The following APBB2 variants were observed in gnomAD, a reference collection of about 807,000 sequenced individuals.
APBB2 encodes the protein amyloid beta precursor protein binding family B member 2, also known as Fe65-like 1.
In APBB2, 38 loss-of-function variants were observed where a neutral mutation model predicts 82.5. That is an observed-to-expected ratio of 0.46 (90% CI 0.36 to 0.60). APBB2 has a LOEUF of 0.60. APBB2 is among the 20% of genes least tolerant of loss of function. The pLI is 0.00. For synonymous variants in APBB2, 341 were observed against 368.2 expected (o/e 0.93, Z 0.85); for missense variants, 772 against 972.3 (o/e 0.79, Z 2.74).
chr4:41,014,130 G>A lies in APBB2; in HGVS notation c.288C>T (p.Asn96=), dbSNP rs1355229616. 4 of 1,614,098 alleles carry A rather than the reference G, an allele frequency of 2.5e-6. No homozygotes were observed. The East Asian group carries it at 8.9e-5, about 36-fold the overall frequency. ...TCTCCCCATTTTTCACCAGCTTGAT[G>A]TTGGCAGAGCCATTTCCCAGCAGGG... ...AQPLLGNGSA[N]IKLVKNGENQ... Residue 96 remains asparagine, a synonymous_variant, in exon 6 of 18, where the codon AAC becomes AAT. Coordinates refer to ENST00000508593, the MANE Select transcript of APBB2 (RefSeq NM_004307.2).
intron 2 of APBB2, among the ~76,000 whole-genome samples, chr4:41,141,344 GTGTC>G (rs1383671188): frequency 6.1e-5 from 6 of 99,064 alleles, no homozygotes; most frequent in African/African-American, 2.2e-4. Context: ...GTGTGTGTGT[GTGTC>G]TGTGTGTCTG....
At chr4:40,835,834 G>T (rs533135395) in intron 12 of APBB2, among the ~76,000 whole-genome samples, 1 of 152,352 alleles carries the variant, frequency 6.6e-6, no homozygotes, top group South Asian at 2.1e-4. Context: ...GAACAGGGCA[G>T]AGGAGACAGA....
intron 6 of APBB2, among the ~76,000 whole-genome samples, chr4:40,998,432 C>T (rs921775282): frequency 8.6e-5 from 13 of 152,022 alleles, no homozygotes; most frequent in African/African-American, 2.7e-4. Context: ...TTTCAGATTC[C>T]ACATTAAAAC....
At chr4:40,992,950 G>T (rs903376033) in intron 6 of APBB2, among the ~76,000 whole-genome samples, 1 of 152,180 alleles carries the variant, frequency 6.6e-6, no homozygotes, top group African/African-American at 2.4e-5. Context: ...GTTATTTTCT[G>T]TTTGTGTACA....
chr4:41,067,680 C>A (rs997076514), intron 3 of APBB2, among the ~76,000 whole-genome samples: 4 of 152,010 alleles, frequency 2.6e-5, no homozygotes, highest in Admixed American at 1.3e-4. Context: ...GAAGAAGACC[C>A]AGGAAGAATG....
Position 40,835,389 on chromosome 4 carries a change from G to A in APBB2, c.1530-4812C>T, listed in dbSNP as rs58143559. Among the ~76,000 whole-genome samples the A allele has an allele frequency of 6.7e-3, 1,022 of 152,174 alleles. 14 individuals are homozygous for A. Among genetic ancestry groups the A allele is most frequent in the African/African-American group, 0.021 (855 of 41,498 alleles). ...GATAAGGTTCCAGCCTTGCAAGCCC[G>A]TCTAATGTTACAGACGGGCAATGAG... On this transcript the variant is annotated intron_variant, in intron 12 of 17. Coordinates refer to ENST00000508593, the MANE Select transcript of APBB2 (RefSeq NM_004307.2).
intron 6 of APBB2, among the ~76,000 whole-genome samples, chr4:40,976,599 C>T (rs1006806698): frequency 6.6e-6 from 1 of 152,182 alleles, no homozygotes; most frequent in Non-Finnish European, 1.5e-5. Context: ...AAACACTTAA[C>T]AGCTGTGATC....
intron 12 of APBB2, among the ~76,000 whole-genome samples, chr4:40,867,548 AAATT>A (rs1764340222): frequency 1.3e-5 from 2 of 152,256 alleles, no homozygotes; most frequent in Non-Finnish European, 2.9e-5. Context: ...TGTCACAAAT[AAATT>A]GATACATCAC....
intron 6 of APBB2, among the ~76,000 whole-genome samples, chr4:40,956,387 A>G (rs1791660697): frequency 6.6e-6 from 1 of 152,222 alleles, no homozygotes; most frequent in South Asian, 2.1e-4. Flanking sequence ...ATGGTAAGAA[A>G]GGGACAGGCC....
intron 10 of APBB2, among the ~76,000 whole-genome samples, chr4:40,902,577 A>G (rs1775626358): frequency 6.6e-6 from 1 of 152,314 alleles, no homozygotes; most frequent in African/African-American, 2.4e-5. Context: ...TCTGTCACCC[A>G]GGTTGGAGTA....
chr4:40,850,430 A>C (rs1758975973), intron 12 of APBB2, among the ~76,000 whole-genome samples: 1 of 152,230 alleles, frequency 6.6e-6, no homozygotes, highest in Non-Finnish European at 1.5e-5. Context: ...TTTGGGGGCT[A>C]ATTTTCAACA....
chr4:40,945,155 C>T (rs549005554), intron 6 of APBB2, 82 bp from the exon 7 acceptor site: 1 of 1,009,762 alleles, frequency 9.9e-7, no homozygotes, highest in Non-Finnish European at 1.5e-6. Context: ...AGGTGAACCC[C>T]AAAGGCAGAC....
chr4:40,985,244 T>C (rs1800118709), intron 6 of APBB2, among the ~76,000 whole-genome samples: 1 of 151,580 alleles, frequency 6.6e-6, no homozygotes, highest in African/African-American at 2.4e-5. Flanking sequence ...CGTTTATCTA[T>C]GTTTCCTAAC....
At chr4:40,939,867 T>TA (rs5857761) in intron 7 of APBB2, among the ~76,000 whole-genome samples, 36,507 of 151,426 alleles carry the variant, frequency 0.24, 4,524 homozygotes, top group Admixed American at 0.29. Context: ...TCAGAGAAGT[T>TA]AAAAAAAAAT....
rs541729671 is a variant in APBB2, at chr4:41,040,352, C to T, written c.-50-7048G>A. Among the ~76,000 whole-genome samples the T allele has an allele frequency of 2.0e-5, 3 of 152,228 alleles. No individual in the cohort carries two copies. In the South Asian group the frequency reaches 6.2e-4, roughly 32 times the overall value. On this transcript the variant is annotated intron_variant, in intron 4 of 17. Transcript: ENST00000508593. ...AAGCCTTATTTCCAGATCTATAAAG[C>T]GAAGTACTTCTATCAGATGACTCGG...
chr4:41,098,990 C>T (rs894857438), intron 3 of APBB2, among the ~76,000 whole-genome samples: 2 of 152,088 alleles, frequency 1.3e-5, no homozygotes, highest in African/African-American at 4.8e-5. Flanking sequence ...CATGTGATTA[C>T]AAGACAATAA....
intron 2 of APBB2, among the ~76,000 whole-genome samples, chr4:41,140,566 A>G (rs1758826128): frequency 6.6e-6 from 1 of 152,152 alleles, no homozygotes; most frequent in African/African-American, 2.4e-5. Context: ...TCATGTGAAT[A>G]CTTATCTGGC....
At chr4:40,845,605 A>AC (rs1757279150) in intron 12 of APBB2, among the ~76,000 whole-genome samples, 2 of 149,686 alleles carry the variant, frequency 1.3e-5, no homozygotes, top group Admixed American at 6.6e-5. Flanking sequence ...AAAAAAAAAA[A>AC]AAAAAAAAAA....
At chr4:40,958,995 T>TAC (rs1578753445) in intron 6 of APBB2, among the ~76,000 whole-genome samples, 1 of 152,354 alleles carries the variant, frequency 6.6e-6, no homozygotes, top group Admixed American at 6.5e-5. Flanking sequence ...TCCAGCTGTC[T>TAC]GCCTATCCCA....
Sources: allele counts gnomAD v4.1 joint callset (sites outside exome capture counted in the v4.1 genomes callset), GRCh38; gene constraint gnomAD v4.1.1; transcripts MANE v1.5; gene names NCBI Gene and HGNC (gene_info 2026-07-23, HGNC 2026-07-21).